The following ZNF804B variants were observed in gnomAD, a reference collection of about 807,000 sequenced individuals.
The protein encoded by ZNF804B is zinc finger 804B.
In ZNF804B, 80 loss-of-function variants were observed where a neutral mutation model predicts 101.4. The ratio of observed to expected loss-of-function variants is 0.79; its 90% CI spans 0.66 to 0.95. The LOEUF (loss-of-function observed/expected upper bound fraction) is 0.95. Ranked by LOEUF, ZNF804B falls within the 40% of genes least tolerant of loss-of-function variation. The pLI is 0.00. For synonymous variants in ZNF804B, 622 were observed against 558.8 expected (o/e 1.11, Z -1.59); for missense variants, 1,673 against 1,561.9 (o/e 1.07, Z -1.20).
intron 1 of ZNF804B, among the ~76,000 whole-genome samples, chr7:89,133,686 G>T (rs989924318): frequency 3.3e-5 from 5 of 152,142 alleles, no homozygotes; most frequent in Middle Eastern, 3.4e-3. Flanking sequence ...TCTATGCTTT[G>T]TAGCCTTAGA....
intron 1 of ZNF804B, among the ~76,000 whole-genome samples, chr7:89,170,249 G>T (rs537981688): frequency 1.3e-5 from 2 of 152,260 alleles, no homozygotes; most frequent in African/African-American, 2.4e-5. Context: ...AGGGAAAAAT[G>T]GATATTTTAT....
chr7:88,953,618 A>C (rs1793257642), intron 1 of ZNF804B, among the ~76,000 whole-genome samples: 1 of 151,722 alleles, frequency 6.6e-6, no homozygotes, highest in South Asian at 2.1e-4. Flanking sequence ...CTAATAAGTA[A>C]ATACTGAATG....
intron 1 of ZNF804B, among the ~76,000 whole-genome samples, chr7:88,895,886 G>A (rs922738068): frequency 3.9e-5 from 6 of 152,152 alleles, no homozygotes; most frequent in African/African-American, 1.4e-4. Flanking sequence ...TTAAACAGGT[G>A]GGGGAAATAG....
chr7:88,790,423 C>A (rs565558506), intron 1 of ZNF804B, among the ~76,000 whole-genome samples: 4 of 151,998 alleles, frequency 2.6e-5, no homozygotes, highest in Admixed American at 6.6e-5. Flanking sequence ...TGCTCTCCCT[C>A]CCCTTGCACC....
At chr7:89,128,233 C>T (rs1385942605) in intron 1 of ZNF804B, among the ~76,000 whole-genome samples, 2 of 151,752 alleles carry the variant, frequency 1.3e-5, no homozygotes, top group Admixed American at 6.6e-5. Context: ...AAGTCCTAGA[C>T]ATGTAGTTGT....
At chr7:89,126,754 G>A (rs1790480223) in intron 1 of ZNF804B, among the ~76,000 whole-genome samples, 1 of 151,640 alleles carries the variant, frequency 6.6e-6, no homozygotes. Context: ...AACCTTTTCT[G>A]AAACTAAGCT....
chr7:88,782,505 C>T (rs1456518348), intron 1 of ZNF804B, among the ~76,000 whole-genome samples: 3 of 151,898 alleles, frequency 2.0e-5, no homozygotes, highest in Non-Finnish European at 2.9e-5. Context: ...ATATCTCCAC[C>T]TCTATATAAT....
intron 1 of ZNF804B, among the ~76,000 whole-genome samples, chr7:88,859,003 T>G (rs914465026): frequency 6.6e-6 from 1 of 152,208 alleles, no homozygotes; most frequent in South Asian, 2.1e-4. Flanking sequence ...AATGGATATA[T>G]AAATGAACAC....
rs925462248 is a variant in ZNF804B, at chr7:89,115,429, A to T, written c.109-102726A>T. On this transcript the variant is annotated intron_variant, in intron 1 of 3. Transcript: ENST00000333190. Reference sequence around the variant, plus strand: ...GGTGTCCTGAAGGTTTTCCCACCCCAGGGAGATGCATCCTATTAAGACAAC... The same window carrying T: ...GGTGTCCTGAAGGTTTTCCCACCCCTGGGAGATGCATCCTATTAAGACAAC... Among the ~76,000 whole-genome samples, 4 of 152,208 alleles carry T rather than the reference A, an allele frequency of 2.6e-5. No homozygotes were observed. The East Asian group carries it at 7.7e-4, about 29-fold the overall frequency.
chr7:88,971,376 T>A (rs937855243), intron 1 of ZNF804B, among the ~76,000 whole-genome samples: 2 of 151,686 alleles, frequency 1.3e-5, no homozygotes, highest in African/African-American at 2.4e-5. Context: ...AAGACAATTT[T>A]TGACAATAAA....
chr7:89,046,114 GC>G (rs200984993), intron 1 of ZNF804B, among the ~76,000 whole-genome samples: 2,139 of 152,112 alleles, frequency 0.014, 43 homozygotes, highest in African/African-American at 0.048. Context: ...TTTACAAGGG[GC>G]TTTTTCCTTT....
At chr7:89,045,447 A>G (rs535699547) in intron 1 of ZNF804B, among the ~76,000 whole-genome samples, 1 of 152,270 alleles carries the variant, frequency 6.6e-6, no homozygotes, top group African/African-American at 2.4e-5. Context: ...GACAGCTTGC[A>G]CCATGTACCT....
intron 1 of ZNF804B, among the ~76,000 whole-genome samples, chr7:88,789,404 A>G (rs966452051): frequency 6.6e-6 from 1 of 152,094 alleles, no homozygotes; most frequent in African/African-American, 2.4e-5. Context: ...GAATACTGTT[A>G]TCTTGCTTTT....
intron 1 of ZNF804B, among the ~76,000 whole-genome samples, chr7:89,022,280 GA>G: frequency 1.3e-5 from 2 of 152,236 alleles, no homozygotes; most frequent in East Asian, 3.9e-4. Context: ...TTCTTATGGG[GA>G]GGATGAGTGT....
At chr7:88,912,050 C>A (rs1584012325) in intron 1 of ZNF804B, among the ~76,000 whole-genome samples, 1 of 151,830 alleles carries the variant, frequency 6.6e-6, no homozygotes, top group East Asian at 1.9e-4. Context: ...TGTAATGTTT[C>A]CAATGAGAAA....
At chr7:89,076,230 C>T (rs1789613758) in intron 1 of ZNF804B, among the ~76,000 whole-genome samples, 1 of 152,166 alleles carries the variant, frequency 6.6e-6, no homozygotes, top group African/African-American at 2.4e-5. Flanking sequence ...GGTTTGGCTG[C>T]ATCCCCACCC....
intron 1 of ZNF804B, among the ~76,000 whole-genome samples, chr7:89,054,427 A>T (rs1295818594): frequency 6.6e-6 from 1 of 151,566 alleles, no homozygotes; most frequent in African/African-American, 2.4e-5. Flanking sequence ...AGCCTATTTG[A>T]TAAATATTTG....
intron 1 of ZNF804B, among the ~76,000 whole-genome samples, chr7:89,004,945 T>C (rs908050079): frequency 6.6e-6 from 1 of 152,002 alleles, no homozygotes; most frequent in Admixed American, 6.6e-5. Flanking sequence ...TCTGAAAACT[T>C]CCTCTTCTGT....
chr7:88,947,436 G>A lies in ZNF804B; in HGVS notation c.108+187352G>A, dbSNP rs577017562. ...AGGAACAGAAAATGAAACACTGCAT[G>A]TTCTCACTCATAAGTGGGAGTTGAA... On this transcript the variant is annotated intron_variant, in intron 1 of 3. Coordinates refer to ENST00000333190, the MANE Select transcript of ZNF804B (RefSeq NM_181646.5). Among the ~76,000 whole-genome samples the A allele has an allele frequency of 2.0e-3, 307 of 151,858 alleles. 1 individual carries two copies. Among genetic ancestry groups the A allele is most frequent in the Non-Finnish European group, 2.2e-3 (149 of 67,926 alleles).
Sources: allele counts gnomAD v4.1 joint callset (sites outside exome capture counted in the v4.1 genomes callset), GRCh38; gene constraint gnomAD v4.1.1; transcripts MANE v1.5; gene names NCBI Gene and HGNC (gene_info 2026-07-23, HGNC 2026-07-21).